The following MBNL2 variants were observed in gnomAD, a reference collection of about 807,000 sequenced individuals.
MBNL2 encodes the protein muscleblind-like protein 2.
In MBNL2, 17 loss-of-function variants were observed where a neutral mutation model predicts 41.9. That is an observed-to-expected ratio of 0.41 (90% CI 0.28 to 0.61). MBNL2 has a LOEUF of 0.61. MBNL2 is among the 20% of genes least tolerant of loss of function. The pLI, the probability that MBNL2 is intolerant of heterozygous loss-of-function variation, is 0.35. For synonymous variants in MBNL2, 195 were observed against 182.9 expected, an observed-to-expected ratio of 1.07 and a Z score of -0.53; for missense variants, 336 against 505.6, an observed-to-expected ratio of 0.66 and a Z score of 3.22.
the MBNL2 span, among the ~76,000 whole-genome samples, chr13:97,167,387 T>C: frequency 5.7e-5 from 4 of 70,426 alleles, no homozygotes; most frequent in African/African-American, 2.7e-4. Flanking sequence ...TAATGCTTTA[T>C]GTAAAAAAAA....
intron 1 of MBNL2, among the ~76,000 whole-genome samples, chr13:97,262,996 A>C (rs1188468337): frequency 6.6e-6 from 1 of 152,070 alleles, no homozygotes; most frequent in Non-Finnish European, 1.5e-5. Context: ...CACGTTGCCC[A>C]GGCTGGTCTT....
chr13:97,276,041 T>C lies in MBNL2; in HGVS notation c.-195T>C, dbSNP rs1449741894. 2.0e-6 allele frequency: 1 copy of C among 504,522 alleles called. No homozygotes were observed. Among genetic ancestry groups the C allele is most frequent in the Non-Finnish European group, 3.5e-6 (1 of 285,064 alleles). The allele number at this position is 504,522 out of a possible 1,614,324, so 31.3% of individuals were successfully genotyped here. On this transcript the variant is annotated 5_prime_UTR_variant, in exon 2 of 9. Transcript: ENST00000679496. Reference sequence around the variant, plus strand: ...CGGCCTACCATCTTTAAGTGGGACATATTGATTGATGAGTGATTGCCTGTC... The same window carrying C: ...CGGCCTACCATCTTTAAGTGGGACACATTGATTGATGAGTGATTGCCTGTC...
At chr13:97,186,669 C>T in the MBNL2 span, among the ~76,000 whole-genome samples, 1 of 152,176 alleles carries the variant, frequency 6.6e-6, no homozygotes, top group Non-Finnish European at 1.5e-5. Context: ...GATCTGCCAT[C>T]TCCAACTATG....
chr13:97,371,451 A>G (rs1205908508), intron 8 of MBNL2, among the ~76,000 whole-genome samples: 2 of 152,198 alleles, frequency 1.3e-5, no homozygotes, highest in African/African-American at 4.8e-5. Context: ...CTGGGGAAGT[A>G]TCAAGTTCAG....
intron 2 of MBNL2, among the ~76,000 whole-genome samples, chr13:97,325,921 A>G (rs76327014): frequency 0.03 from 4,525 of 152,258 alleles, 120 homozygotes; most frequent in Non-Finnish European, 0.042. Flanking sequence ...GCATTGGCCT[A>G]ATAAGGAATG....
intron 1 of MBNL2, among the ~76,000 whole-genome samples, chr13:97,233,499 A>G (rs773466954): frequency 4.0e-5 from 6 of 151,516 alleles, no homozygotes; most frequent in Non-Finnish European, 5.9e-5. Flanking sequence ...GCACACACAG[A>G]CACCTCATAT....
intron 2 of MBNL2, among the ~76,000 whole-genome samples, chr13:97,329,286 T>C (rs1211238240): frequency 2.0e-5 from 3 of 152,212 alleles, no homozygotes; most frequent in Admixed American, 1.3e-4. Flanking sequence ...AATTCTGTTA[T>C]TGTTTTTAAA....
chr13:97,385,180 T>C lies in MBNL2; in HGVS notation c.1049-6142T>C, dbSNP rs143140415. 4.9e-3 allele frequency among the ~76,000 whole-genome samples: 748 copies of C among 152,228 alleles called. 4 individuals are homozygous for C. Among genetic ancestry groups the C allele is most frequent in the Non-Finnish European group, 7.2e-3 (487 of 68,014 alleles). Reference sequence around the variant, plus strand: ...ATCCATGCAAGCAACAATTAATAAATTCCCAGCCCTATCCTAGATACTGGG... The same window carrying C: ...ATCCATGCAAGCAACAATTAATAAACTCCCAGCCCTATCCTAGATACTGGG... On this transcript the variant is annotated intron_variant, in intron 8 of 8. Coordinates refer to ENST00000679496, the MANE Select transcript of MBNL2 (RefSeq NM_001382683.1).
intron 2 of MBNL2, among the ~76,000 whole-genome samples, chr13:97,317,876 T>C (rs911871389): frequency 1.3e-5 from 2 of 152,254 alleles, no homozygotes; most frequent in African/African-American, 4.8e-5. Context: ...ATTACCATGC[T>C]TTCTTCCCTT....
At chr13:97,310,611 A>G (rs527619168) in intron 2 of MBNL2, among the ~76,000 whole-genome samples, 230 of 151,740 alleles carry the variant, frequency 1.5e-3, no homozygotes, top group African/African-American at 5.2e-3. Flanking sequence ...TTGTATTTTT[A>G]GTAGAGACAG....
At chr13:97,255,909 G>T (rs1168456659) in intron 1 of MBNL2, among the ~76,000 whole-genome samples, 1 of 152,202 alleles carries the variant, frequency 6.6e-6, no homozygotes, top group Non-Finnish European at 1.5e-5. Context: ...ATAGATAACT[G>T]TGAGCATGAT....
chr13:97,188,580 C>T, the MBNL2 span, among the ~76,000 whole-genome samples: 3 of 151,664 alleles, frequency 2.0e-5, no homozygotes, highest in Admixed American at 2.0e-4. Flanking sequence ...AACATCTGCA[C>T]GTGTCTGATG....
chr13:97,306,635 G>T (rs2058152982), intron 2 of MBNL2, among the ~76,000 whole-genome samples: 1 of 152,228 alleles, frequency 6.6e-6, no homozygotes, highest in African/African-American at 2.4e-5. Flanking sequence ...ACCCCTTGGT[G>T]GTCCTCATTT....
intron 2 of MBNL2, among the ~76,000 whole-genome samples, chr13:97,318,976 T>C (rs1463791): frequency 0.32 from 48,749 of 151,890 alleles, 9,476 homozygotes; most frequent in African/African-American, 0.55. Context: ...TTAGCAGGTA[T>C]CTACTGAGGG....
At chr13:97,201,011 C>G in the MBNL2 span, among the ~76,000 whole-genome samples, 1 of 152,114 alleles carries the variant, frequency 6.6e-6, no homozygotes, top group Non-Finnish European at 1.5e-5. Context: ...ACCTCAGACC[C>G]TCTTCTCCCT....
At chr13:97,158,181 G>T in the MBNL2 span, among the ~76,000 whole-genome samples, 3,769 of 151,752 alleles carry the variant, frequency 0.025, 132 homozygotes, top group African/African-American at 0.084. Flanking sequence ...GTTTATTTGC[G>T]TAGAGGTGTT....
chr13:97,162,258 G>T, the MBNL2 span, among the ~76,000 whole-genome samples: 1 of 152,096 alleles, frequency 6.6e-6, no homozygotes, highest in African/African-American at 2.4e-5. Context: ...GAGATTTTGG[G>T]CAGGGACACA....
chr13:97,262,296 G>T (rs1350666894), intron 1 of MBNL2, among the ~76,000 whole-genome samples: 2 of 152,188 alleles, frequency 1.3e-5, no homozygotes, highest in Non-Finnish European at 2.9e-5. Flanking sequence ...TTGAAAGCCA[G>T]CAGGGACTTC....
intron 2 of MBNL2, among the ~76,000 whole-genome samples, chr13:97,308,928 G>A (rs1184490994): frequency 2.0e-5 from 3 of 152,178 alleles, no homozygotes; most frequent in Non-Finnish European, 4.4e-5. Flanking sequence ...TGGGAAGGAG[G>A]AGACGTTTCT....
Sources: gnomAD v4.1 joint callset for allele counts (sites outside exome capture counted in the v4.1 genomes callset) on GRCh38, gnomAD v4.1.1 for gene constraint, MANE v1.5 for transcripts, NCBI Gene and HGNC (gene_info 2026-07-23, HGNC 2026-07-21) for gene names.